The following PDE1A variants were observed in gnomAD, a reference collection of about 807,000 sequenced individuals.
PDE1A encodes the protein dual specificity calcium/calmodulin-dependent 3',5'-cyclic nucleotide phosphodiesterase 1A.
In PDE1A, 35 loss-of-function variants were observed where a neutral mutation model predicts 61.7. The ratio of observed to expected loss-of-function variants is 0.57; its 90% CI spans 0.43 to 0.75. The LOEUF (loss-of-function observed/expected upper bound fraction) is 0.75, where lower values mean the gene tolerates loss of function less well. Among genes scored for constraint, PDE1A ranks in the 30% least tolerant of loss-of-function variants. PDE1A has a pLI of 0.00. For synonymous variants in PDE1A, 232 were observed against 213.2 expected (o/e 1.09, Z -0.77); for missense variants, 597 against 630.6 (o/e 0.95, Z 0.57).
intron 1 of PDE1A, among the ~76,000 whole-genome samples, chr2:182,295,376 A>G (rs1211605117): frequency 6.6e-6 from 1 of 152,178 alleles, no homozygotes; most frequent in African/African-American, 2.4e-5. Flanking sequence ...TGTAAATCGA[A>G]TAACAGAAAT....
At chr2:182,242,899 CCTCT>C (rs71340034) in intron 2 of PDE1A, among the ~76,000 whole-genome samples, 3 of 103,682 alleles carry the variant, frequency 2.9e-5, no homozygotes, top group African/African-American at 1.5e-4. Flanking sequence ...TCTCTCTCTC[CCTCT>C]CTCTCTCTCT....
the PDE1A span, among the ~76,000 whole-genome samples, chr2:182,644,902 A>G: frequency 6.6e-6 from 1 of 152,214 alleles, no homozygotes; most frequent in African/African-American, 2.4e-5. Context: ...TAATAGCATT[A>G]AATTATTTCA....
intron 1 of PDE1A, among the ~76,000 whole-genome samples, chr2:182,403,720 AAACT>A (rs1702146911): frequency 6.6e-6 from 1 of 152,136 alleles, no homozygotes; most frequent in African/African-American, 2.4e-5. Context: ...CATTCTCAGC[AAACT>A]AACACAAGAA....
chr2:182,645,144 C>A, the PDE1A span, among the ~76,000 whole-genome samples: 63 of 152,126 alleles, frequency 4.1e-4, no homozygotes, highest in Middle Eastern at 6.8e-3. Context: ...CGCCACCACA[C>A]CCAGCTAATT....
chr2:182,236,158 G>GTGAT (rs1689993737), intron 3 of PDE1A, among the ~76,000 whole-genome samples: 1 of 152,098 alleles, frequency 6.6e-6, no homozygotes, highest in African/African-American at 2.4e-5. Flanking sequence ...TTGGATGTGG[G>GTGAT]TGATTAGGTA....
chr2:182,570,735 G>A, the PDE1A span, among the ~76,000 whole-genome samples: 1 of 152,154 alleles, frequency 6.6e-6, no homozygotes, highest in Non-Finnish European at 1.5e-5. Context: ...ATGTCCTTCA[G>A]TCATTAATAC....
chr2:182,299,791 T>C (rs1695119401), intron 1 of PDE1A, among the ~76,000 whole-genome samples: 1 of 152,160 alleles, frequency 6.6e-6, no homozygotes, highest in Admixed American at 6.6e-5. Context: ...AACAATGTGT[T>C]CTTGATTATA....
intron 1 of PDE1A, among the ~76,000 whole-genome samples, chr2:182,381,016 T>C (rs144577084): frequency 4.6e-5 from 7 of 152,256 alleles, no homozygotes; most frequent in African/African-American, 1.7e-4. Context: ...GATGTGATGG[T>C]TGTATTTGAG....
At chr2:182,297,175 T>C (rs1327246921) in intron 1 of PDE1A, among the ~76,000 whole-genome samples, 1 of 152,208 alleles carries the variant, frequency 6.6e-6, no homozygotes, top group Admixed American at 6.5e-5. Context: ...TATTCTGCCA[T>C]TGGATTGGTT....
downstream of PDE1A, chr2:182,142,491 C>G (rs1397964031): frequency 6.6e-5 from 10 of 152,184 alleles, no homozygotes; most frequent in Admixed American, 6.5e-4. Flanking sequence ...TGTAGCATTG[C>G]TCTGATGCTT....
intron 13 of PDE1A, among the ~76,000 whole-genome samples, chr2:182,172,839 A>G (rs1249209943): frequency 1.3e-5 from 2 of 152,018 alleles, no homozygotes; most frequent in Non-Finnish European, 2.9e-5. Context: ...AGGTAGAGAG[A>G]TAGGAAAACA....
chr2:182,273,699 A>C (rs1381662300), intron 1 of PDE1A, among the ~76,000 whole-genome samples: 1 of 152,076 alleles, frequency 6.6e-6, no homozygotes, highest in East Asian at 1.9e-4. Flanking sequence ...ACTTTTACAA[A>C]AATCAAATTA....
chr2:182,222,735 G>GGA (rs549440158), intron 7 of PDE1A, among the ~76,000 whole-genome samples: 1 of 150,838 alleles, frequency 6.6e-6, no homozygotes, highest in African/African-American at 2.4e-5. Flanking sequence ...CTATTAATTA[G>GGA]AAAAAAAAAT....
the PDE1A span, among the ~76,000 whole-genome samples, chr2:182,529,227 G>A: frequency 2.0e-5 from 3 of 152,252 alleles, no homozygotes; most frequent in Admixed American, 6.5e-5. Context: ...AGCTGCCAAA[G>A]ACCATGGGAA....
At chr2:182,600,604 A>G in the PDE1A span, among the ~76,000 whole-genome samples, 2 of 152,246 alleles carry the variant, frequency 1.3e-5, no homozygotes, top group Non-Finnish European at 2.9e-5. Flanking sequence ...TGAAGAAACA[A>G]AATCAGAGGT....
chr2:182,421,760 T>G (rs766968767), intron 1 of PDE1A, among the ~76,000 whole-genome samples: 4 of 152,180 alleles, frequency 2.6e-5, no homozygotes, highest in Admixed American at 6.5e-5. Flanking sequence ...ATGGTAAACA[T>G]TATCTGCCTT....
intron 2 of PDE1A, among the ~76,000 whole-genome samples, chr2:182,246,336 C>T (rs1690942381): frequency 6.6e-6 from 1 of 151,988 alleles, no homozygotes; most frequent in Admixed American, 6.6e-5. Flanking sequence ...GTGCCTGCCC[C>T]CAATAGTAAG....
At chr2:182,344,684 TTTTG>T (rs1378723116) in intron 1 of PDE1A, among the ~76,000 whole-genome samples, 1 of 152,038 alleles carries the variant, frequency 6.6e-6, no homozygotes. Flanking sequence ...TGTACTAGGT[TTTTG>T]TTTGTTTTGC....
intron 1 of PDE1A, among the ~76,000 whole-genome samples, chr2:182,364,346 T>G (rs1397554568): frequency 1.3e-5 from 2 of 151,492 alleles, no homozygotes; most frequent in Non-Finnish European, 3.0e-5. Context: ...CTTTGTTTCT[T>G]GTTGTGTGTT....
Sources: gnomAD v4.1 joint callset for allele counts (sites outside exome capture counted in the v4.1 genomes callset) on GRCh38, gnomAD v4.1.1 for gene constraint, MANE v1.5 for transcripts, NCBI Gene and HGNC (gene_info 2026-07-23, HGNC 2026-07-21) for gene names.